Variants in PCDHGB3 observed in about 807,000 individuals in gnomAD.
PCDHGB3 encodes protocadherin gamma-B3.
Under a neutral mutation model 59.2 loss-of-function variants are expected in PCDHGB3, and 40 were observed. That is an observed-to-expected ratio of 0.68 (90% CI 0.52 to 0.88). The LOEUF (loss-of-function observed/expected upper bound fraction) is 0.88, where lower values mean the gene tolerates loss of function less well. Among genes scored for constraint, PCDHGB3 ranks in the 40% least tolerant of loss-of-function variants. The pLI, the probability that PCDHGB3 is intolerant of heterozygous loss-of-function variation, is 0.00. For synonymous variants in PCDHGB3, 581 were observed against 503.6 expected, an observed-to-expected ratio of 1.15 and a Z score of -2.06; for missense variants, 1,309 against 1,187.9, an observed-to-expected ratio of 1.10 and a Z score of -1.50.
intron 1 of PCDHGB3, chr5:141,405,119 C>A: frequency 1.2e-6 from 2 of 1,614,024 alleles, no homozygotes; most frequent in South Asian, 1.1e-5. Context: ...GCACTCCTCG[C>A]ATCTGCTGCG....
intron 2 of PCDHGB3, among the ~76,000 whole-genome samples, chr5:141,504,794 A>G (rs2099841154): frequency 6.6e-6 from 1 of 151,718 alleles, no homozygotes; most frequent in African/African-American, 2.4e-5. Flanking sequence ...GGCCTCCTAC[A>G]TCTCCCCCTA....
chr5:141,374,221 C>A, intron 1 of PCDHGB3: 1 of 1,613,996 alleles, frequency 6.2e-7, no homozygotes, highest in Non-Finnish European at 8.5e-7. Flanking sequence ...CCTTCGTAGG[C>A]AACATCGTCA....
intron 1 of PCDHGB3, chr5:141,400,138 A>T: frequency 6.2e-7 from 1 of 1,614,046 alleles, no homozygotes; most frequent in Non-Finnish European, 8.5e-7. Flanking sequence ...GCTGCCGGAT[A>T]TCACTGACCG....
intron 1 of PCDHGB3, chr5:141,387,595 A>C (rs191053839): frequency 6.0e-5 from 32 of 532,776 alleles, no homozygotes; most frequent in Admixed American, 2.6e-4. Flanking sequence ...AACTTGAAGC[A>C]GCAGAGGCTG....
At chr5:141,404,387 C>G in intron 1 of PCDHGB3, 3 of 1,613,874 alleles carry the variant, frequency 1.9e-6, no homozygotes, top group Non-Finnish European at 2.5e-6. Context: ...TGCCTATGAC[C>G]CTGATAGCAA....
rs775204388 is a variant in PCDHGB3, at chr5:141,490,235, G to T, written c.2416-4572G>T. On this transcript the variant is annotated intron_variant, in intron 1 of 3. Transcript: ENST00000576222. This position sits in a 1 kb window ranked among gnomAD's most constrained non-coding sequence, Gnocchi z 5.4. ...GACCAGGGACAGCCTGCCATGGAGG[G>T]CCACTGTGTGATTCAAGTGGATGTG... 1 of 1,614,228 alleles carries T rather than the reference G, an allele frequency of 6.2e-7. No homozygotes were observed. The highest frequency in any genetic ancestry group is 1.1e-5 in the South Asian group (1 of 91,084).
At chr5:141,461,501 T>A (rs113852528) in intron 1 of PCDHGB3, among the ~76,000 whole-genome samples, 4 of 152,310 alleles carry the variant, frequency 2.6e-5, no homozygotes, top group South Asian at 2.1e-4. Context: ...TTATTTTTCT[T>A]GGTGATTTGT....
At chr5:141,403,804 T>G (rs2094456767) in intron 1 of PCDHGB3, 1 of 1,613,764 alleles carries the variant, frequency 6.2e-7, no homozygotes, top group Non-Finnish European at 8.5e-7. Context: ...TCTGGAAAAT[T>G]AATGAAAAAC....
At chr5:141,464,300 A>T (rs1349155102) in intron 1 of PCDHGB3, among the ~76,000 whole-genome samples, 2 of 149,898 alleles carry the variant, frequency 1.3e-5, no homozygotes, top group African/African-American at 4.9e-5. Flanking sequence ...ACTCCATTGT[A>T]TGTGCACATA....
At chr5:141,393,848 A>T (rs1368797606) in intron 1 of PCDHGB3, 6 of 1,614,008 alleles carry the variant, frequency 3.7e-6, no homozygotes, top group Non-Finnish European at 5.1e-6. Flanking sequence ...ACAATAGACC[A>T]GAAGTGATCA....
At chr5:141,397,858 C>G in intron 1 of PCDHGB3, 2 of 559,034 alleles carry the variant, frequency 3.6e-6, no homozygotes, top group South Asian at 2.6e-5. Context: ...GCTGTAGTTT[C>G]CTAGTGCTGA....
rs558873325 is a variant in PCDHGB3 at position 141,370,852 on chromosome 5, C to T, written c.458C>T (p.Ala153Val). The change falls in exon 1 of 4, where the codon GCC (alanine) becomes GTC (valine). Residue 153 changes from alanine to valine, a missense_variant. Physicochemically the swap from Ala to Val is moderately conservative, Grantham distance 64 (BLOSUM62 0). Transcript: ENST00000576222. ...SELALTGATF[A>V]LESAQDPDVG... Reference sequence around the variant, plus strand: ...CTGGCTCTCACTGGAGCCACATTTGCCCTGGAATCTGCGCAAGATCCTGAT... The same window carrying T: ...CTGGCTCTCACTGGAGCCACATTTGTCCTGGAATCTGCGCAAGATCCTGAT... The T allele has an allele frequency of 3.1e-6, 5 of 1,614,018 alleles. No homozygotes were observed. Among genetic ancestry groups the T allele is most frequent in the Non-Finnish European group, 4.2e-6 (5 of 1,179,894 alleles).
chr5:141,442,716 G>A (rs1367250926), intron 1 of PCDHGB3, among the ~76,000 whole-genome samples: 1 of 152,206 alleles, frequency 6.6e-6, no homozygotes, highest in East Asian at 1.9e-4. Context: ...ACATGCCAGA[G>A]CATTTGGGGC....
intron 1 of PCDHGB3, among the ~76,000 whole-genome samples, chr5:141,442,967 G>T (rs553833025): frequency 1.3e-5 from 2 of 152,220 alleles, no homozygotes; most frequent in African/African-American, 2.4e-5. Context: ...AGACATTCTG[G>T]CTGATAAAGT....
rs79201149 is a variant in PCDHGB3, at chr5:141,386,596, T to C, written c.2415+13787T>C. Among the ~76,000 whole-genome samples, 402 of 139,140 alleles carry C rather than the reference T, an allele frequency of 2.9e-3. 2 individuals are homozygous for C. Among genetic ancestry groups the C allele is most frequent in the Non-Finnish European group, 4.9e-3 (319 of 65,706 alleles). The allele number at this position is 139,140 out of a possible 152,430, so 91.3% of individuals were successfully genotyped here. A position where few individuals can be genotyped will look rare whatever the true frequency, so the allele number is the denominator to read the frequency against. Reference sequence around the variant, plus strand: ...TCTGTACAATAGTGTGGGGGATACATTTTTTTTTTTTGACATGGAGTCTCG... The same window carrying C: ...TCTGTACAATAGTGTGGGGGATACACTTTTTTTTTTTGACATGGAGTCTCG... On this transcript the variant is annotated intron_variant, in intron 1 of 3. Transcript: ENST00000576222.
At chr5:141,410,480 G>A in intron 1 of PCDHGB3, 1 of 1,613,966 alleles carries the variant, frequency 6.2e-7, no homozygotes, top group Non-Finnish European at 8.5e-7. Context: ...TGCACATACG[G>A]GTACAAAAGA....
At position 141,380,161 on chromosome 5, in the gene PCDHGB3, A is replaced by G. The variant is rs552815003; in HGVS notation, c.2415+7352A>G. Among the ~76,000 whole-genome samples, 14 of 152,240 alleles carry G rather than the reference A, an allele frequency of 9.2e-5. No individual in the cohort carries two copies. In the South Asian group the frequency reaches 1.5e-3, roughly 16 times the overall value. On this transcript the variant is annotated intron_variant, in intron 1 of 3. Transcript: ENST00000576222. The stretch of plus-strand genomic sequence containing the variant: ...GTGATCCACCCGCCTCAGCCTCTCA[A>G]AGGGCTGGGATTACAGGCATGAGCC...
chr5:141,383,786 C>T, intron 1 of PCDHGB3: 1 of 1,613,928 alleles, frequency 6.2e-7, no homozygotes, highest in South Asian at 1.1e-5. Context: ...CATCTGAACT[C>T]GCTTACAGGA....
intron 1 of PCDHGB3, chr5:141,414,258 TG>T: frequency 6.2e-7 from 1 of 1,613,492 alleles, no homozygotes; most frequent in Non-Finnish European, 8.5e-7. Flanking sequence ...GTCCAGTGAC[TG>T]AAGATTCACC....
Sources: gnomAD v4.1 joint callset for allele counts (sites outside exome capture counted in the v4.1 genomes callset) on GRCh38, gnomAD v4.1.1 for gene constraint, Gnocchi (gnomAD v3.1) non-coding constraint, MANE v1.5 for transcripts, NCBI Gene and HGNC (gene_info 2026-07-23, HGNC 2026-07-21) for gene names.